FBLIM1: variants seen among roughly 807,000 people sequenced by gnomAD.
The protein encoded by FBLIM1 is filamin binding LIM protein 1, also known as filamin-binding LIM protein 1.
A neutral mutation model predicts 37.4 loss-of-function variants in FBLIM1; 29 were observed. The ratio of observed to expected loss-of-function variants is 0.77; its 90% CI spans 0.58 to 1.06. The LOEUF is 1.06. FBLIM1 is among the 50% of genes least tolerant of loss of function. The pLI is 0.00. For missense variants in FBLIM1, 449 were observed against 505.6 expected, an observed-to-expected ratio of 0.89 and a Z score of 1.07; for synonymous variants, 193 against 199.0, an observed-to-expected ratio of 0.97 and a Z score of 0.25.
chr1:15,782,870 G>A (rs1465342712), intron 8 of FBLIM1, among the ~76,000 whole-genome samples: 7 of 149,310 alleles, frequency 4.7e-5, no homozygotes, highest in Admixed American at 2.7e-4. Context: ...GTGCAGTGGC[G>A]CGATCTCAGC....
intron 7 of FBLIM1, among the ~76,000 whole-genome samples, chr1:15,776,832 A>G (rs890410261): frequency 3.4e-4 from 50 of 148,202 alleles, no homozygotes; most frequent in Non-Finnish European, 5.4e-4. Flanking sequence ...ATTGCACTCC[A>G]GCCTGGGTGA....
At chr1:15,766,276 T>C (rs1264889295) in intron 3 of FBLIM1, among the ~76,000 whole-genome samples, 1 of 151,182 alleles carries the variant, frequency 6.6e-6, no homozygotes, top group African/African-American at 2.4e-5. Flanking sequence ...CCCAGCTAAT[T>C]TGTGTGTGTG....
intron 1 of FBLIM1, among the ~76,000 whole-genome samples, chr1:15,759,878 C>G (rs1287106168): frequency 6.6e-6 from 1 of 152,228 alleles, no homozygotes; most frequent in Non-Finnish European, 1.5e-5. Flanking sequence ...CCCGCCACTT[C>G]TGCCTAAATT....
chr1:15,770,497 G>A lies in FBLIM1; in HGVS notation c.630G>A (p.Thr210=), dbSNP rs959949870. ...MKRQYHAQCF[T]CRTCRRQLAG... ...GGCAGTACCATGCCCAGTGCTTCAC[G>A]TGCCGCACCTGCCGCCGCCAGCTGG... is the stretch of plus-strand genomic sequence containing the variant. The change falls in exon 6 of 9, where the codon ACG becomes ACA. Residue 210 remains threonine (T), a synonymous_variant. Transcript: ENST00000375766. The A allele has an allele frequency of 1.3e-5, 21 of 1,613,622 alleles. No homozygotes were observed. The highest frequency in any genetic ancestry group is 3.3e-5 in the South Asian group (3 of 91,060).
intron 5 of FBLIM1, among the ~76,000 whole-genome samples, chr1:15,769,697 C>T (rs959999990): frequency 2.6e-5 from 4 of 151,640 alleles, no homozygotes; most frequent in South Asian, 2.1e-4. Flanking sequence ...AGTGCAGTGG[C>T]GCGATCTTGG....
chr1:15,763,009 C>A (rs1379813402), intron 1 of FBLIM1, among the ~76,000 whole-genome samples: 1 of 151,830 alleles, frequency 6.6e-6, no homozygotes, highest in Non-Finnish European at 1.5e-5. Flanking sequence ...TCCAGGGGCT[C>A]AAAGAGGCTG....
At chr1:15,757,119 A>G (rs1327568620), upstream of FBLIM1, among the ~76,000 whole-genome samples, 1 of 152,116 alleles carries the variant, frequency 6.6e-6, no homozygotes, top group Non-Finnish European at 1.5e-5. This position sits in a 1 kb window ranked among gnomAD's most constrained non-coding sequence, Gnocchi z 4.1. Context: ...GCAGGATATC[A>G]CTGCCAAGCC....
At chr1:15,780,995 C>T (rs930720945) in intron 8 of FBLIM1, among the ~76,000 whole-genome samples, 1 of 151,912 alleles carries the variant, frequency 6.6e-6, no homozygotes, top group African/African-American at 2.4e-5. Context: ...AGCGAATAAA[C>T]CCCCCCGGTA....
Position 15,777,266 on chromosome 1 carries a change from T to C in FBLIM1, c.987T>C (p.His329=), listed in dbSNP as rs775860288. 2 of 1,613,138 alleles carry C rather than the reference T, an allele frequency of 1.2e-6. No homozygotes were observed. Among genetic ancestry groups the C allele is most frequent in the Non-Finnish European group, 1.7e-6 (2 of 1,179,204 alleles). Residue 329 remains histidine (H), a synonymous_variant, in exon 8 of 9, where the codon CAT becomes CAC. Transcript: ENST00000375766. ...FKIECMGRNF[H]ENCYRCEDCR... The stretch of plus-strand genomic sequence containing the variant: ...TCGAATGCATGGGAAGAAACTTCCA[T>C]GAAAATTGCTACAGGTGTGAGGTGA...
At position 15,784,585 on chromosome 1, in the gene FBLIM1, A is replaced by G; in HGVS notation, c.1046A>G (p.Gln349Arg). The G allele has an allele frequency of 1.2e-6, 2 of 1,614,092 alleles. No individual in the cohort carries two copies. The highest frequency in any genetic ancestry group is 1.7e-6 in the Non-Finnish European group (2 of 1,179,964). ...CTCCTGTCTGTCGAGCCCACGGACC[A>G]AGGCTGCTACCCCCTGAACAACCAT... The part of the protein sequence containing the change: ...RILLSVEPTD[Q>R]GCYPLNNHLF... Residue 349 changes from glutamine to arginine, a missense_variant, in exon 9 of 9, where the codon CAA becomes CGA. Physicochemically the swap from Gln to Arg is conservative, Grantham distance 43. Transcript: ENST00000375766.
intron 7 of FBLIM1, among the ~76,000 whole-genome samples, chr1:15,776,542 G>T (rs2069493214): frequency 6.6e-6 from 1 of 151,988 alleles, no homozygotes; most frequent in Non-Finnish European, 1.5e-5. Flanking sequence ...CACCACTCAA[G>T]CGGAGAGACA....
chr1:15,774,901 G>C, intron 7 of FBLIM1, 105 bp downstream of exon 7: 1 of 1,602,780 alleles, frequency 6.2e-7, no homozygotes, highest in Non-Finnish European at 8.5e-7. Flanking sequence ...AGAGTTTCCT[G>C]TCTACTGGTT....
Position 15,784,788 on chromosome 1 carries a change from G to T in FBLIM1, c.*127G>T. On this transcript the variant is annotated 3_prime_UTR_variant, in exon 9 of 9. Coordinates refer to ENST00000375766, the MANE Select transcript of FBLIM1 (RefSeq NM_017556.4). ...CTCCATGGAGACCAGCCTGCAAGCC[G>T]GCCCAGCCTGTCCAGGATACAGTGG... 1 of 761,866 alleles carries T rather than the reference G, an allele frequency of 1.3e-6. No individual in the cohort carries two copies. The highest frequency in any genetic ancestry group is 2.2e-6 in the Non-Finnish European group (1 of 463,670). The allele number at this position is 761,866 out of a possible 1,614,324, so 47.2% of individuals were successfully genotyped here.
chr1:15,784,903 G>A lies in FBLIM1; in HGVS notation c.*242G>A, dbSNP rs1430561561. On this transcript the variant is annotated 3_prime_UTR_variant, in exon 9 of 9. Transcript: ENST00000375766. ...AGCTTCACCCCCAGAATTCCCTGCTGACCCTGCCCCACTTCCAGGGAAAAG... is the reference window on the plus strand; with the variant it reads ...AGCTTCACCCCCAGAATTCCCTGCTAACCCTGCCCCACTTCCAGGGAAAAG... 7.7e-6 allele frequency: 3 copies of A among 390,466 alleles called. No individual in the cohort carries two copies. Among genetic ancestry groups the A allele is most frequent in the Non-Finnish European group, 1.4e-5 (3 of 214,860 alleles). The allele number at this position is 390,466 out of a possible 1,614,324, so 24.2% of individuals were successfully genotyped here. A position where few individuals can be genotyped will look rare whatever the true frequency, so the allele number is the denominator to read the frequency against.
chr1:15,774,733 T>C lies in FBLIM1; in HGVS notation c.827T>C (p.Ile276Thr), dbSNP rs138378591. Residue 276 changes from isoleucine to threonine, a missense_variant, in exon 7 of 9, where the codon ATT becomes ACT. Ile to Thr is a moderately conservative substitution (Grantham distance 89). Coordinates refer to ENST00000375766, the MANE Select transcript of FBLIM1 (RefSeq NM_017556.4). ...CFTCVTCARC[I>T]GDESFALGSQ... ...ACGTGTGTGACCTGCGCCCGGTGCA[T>C]TGGGGATGAGAGCTTTGCCCTGGGC... 119 of 1,613,988 alleles carry C rather than the reference T, an allele frequency of 7.4e-5. No individual in the cohort carries two copies. The highest frequency in any genetic ancestry group is 1.7e-4 in the Middle Eastern group (1 of 6,056).
At chr1:15,760,394 G>A (rs376836609) in intron 1 of FBLIM1, among the ~76,000 whole-genome samples, 1 of 152,126 alleles carries the variant, frequency 6.6e-6, no homozygotes, top group Non-Finnish European at 1.5e-5. Context: ...GCCAGGGGTG[G>A]TGGCGTGTGC....
intron 8 of FBLIM1, among the ~76,000 whole-genome samples, chr1:15,779,664 G>A (rs761361723): frequency 4.6e-5 from 7 of 151,994 alleles, no homozygotes; most frequent in Non-Finnish European, 1.0e-4. Flanking sequence ...TTAATGATTA[G>A]GTCAGAGAGA....
At chr1:15,764,449 T>G (rs1158699640) in intron 1 of FBLIM1, 47 bp from the exon 2 acceptor site, 1 of 156,208 alleles carries the variant, frequency 6.4e-6, no homozygotes, top group Non-Finnish European at 1.4e-5. Flanking sequence ...AGCCTAGCCC[T>G]GACGCCCTGG....
chr1:15,774,908 G>A lies in FBLIM1; in HGVS notation c.890+112G>A, dbSNP rs12093675. 1.3e-3 allele frequency: 2,117 copies of A among 1,595,024 alleles called. 24 individuals are homozygous for A. The African/African-American group carries it at 0.026, about 19-fold the overall frequency. ...GCTGGGCCAGAGTTTCCTGTCTACT[G>A]GTTTATTATAAAGAATATTACAGGG... On this transcript the variant is annotated intron_variant, in intron 7 of 8. Coordinates refer to ENST00000375766, the MANE Select transcript of FBLIM1 (RefSeq NM_017556.4).
Sources: gnomAD v4.1 joint callset for allele counts (sites outside exome capture counted in the v4.1 genomes callset) on GRCh38, gnomAD v4.1.1 for gene constraint, Gnocchi (gnomAD v3.1) non-coding constraint, MANE v1.5 for transcripts, NCBI Gene and HGNC (gene_info 2026-07-23, HGNC 2026-07-21) for gene names.